The following PTPRG variants were observed in gnomAD, a reference collection of about 807,000 sequenced individuals.
PTPRG encodes receptor-type tyrosine-protein phosphatase gamma.
PTPRG carries 102 observed loss-of-function variants against 165.3 expected under a neutral mutation model. That is an observed-to-expected ratio of 0.62 (90% confidence interval 0.53 to 0.73). The LOEUF is 0.73. Among genes scored for constraint, PTPRG ranks in the 30% least tolerant of loss-of-function variants. PTPRG has a pLI of 0.00. For missense variants in PTPRG, 1,866 were observed against 1,861.4 expected (o/e 1.00, Z -0.05); for synonymous variants, 675 against 669.5 (o/e 1.01, Z -0.13).
chr3:62,096,348 A>T (rs1379001509), intron 5 of PTPRG, among the ~76,000 whole-genome samples: 2 of 152,052 alleles, frequency 1.3e-5, no homozygotes, highest in Non-Finnish European at 2.9e-5. Flanking sequence ...GTTTATAGAA[A>T]CACTGTTATT....
At chr3:61,983,787 G>A (rs1035644270) in intron 2 of PTPRG, among the ~76,000 whole-genome samples, 1 of 152,054 alleles carries the variant, frequency 6.6e-6, no homozygotes, top group African/African-American at 2.4e-5. Context: ...TGCTTAAATT[G>A]TAGAAAATTC....
At chr3:62,167,747 G>T (rs1260635650) in intron 7 of PTPRG, among the ~76,000 whole-genome samples, 3 of 152,126 alleles carry the variant, frequency 2.0e-5, no homozygotes, top group Admixed American at 2.0e-4. Flanking sequence ...GTGTTTTGCT[G>T]GTTAGTTGGC....
At chr3:61,663,829 T>C (rs1181613959) in intron 1 of PTPRG, among the ~76,000 whole-genome samples, 1 of 152,090 alleles carries the variant, frequency 6.6e-6, no homozygotes, top group Non-Finnish European at 1.5e-5. Context: ...TTTGCTCCTA[T>C]GAGAATCTAA....
intron 1 of PTPRG, among the ~76,000 whole-genome samples, chr3:61,609,035 A>T (rs1333950329): frequency 6.6e-6 from 1 of 152,166 alleles, no homozygotes; most frequent in Non-Finnish European, 1.5e-5. Flanking sequence ...CCTGAACATG[A>T]TACGGAAGCC....
intron 2 of PTPRG, 90 bp downstream of exon 2, chr3:61,749,072 C>T (rs1172179655): frequency 1.9e-6 from 2 of 1,038,712 alleles, no homozygotes; most frequent in East Asian, 5.0e-5. Context: ...ACTTTTATGC[C>T]TGAGTTCTGT....
intron 1 of PTPRG, among the ~76,000 whole-genome samples, chr3:61,690,395 G>T (rs555123940): frequency 6.6e-6 from 1 of 152,186 alleles, no homozygotes; most frequent in Non-Finnish European, 1.5e-5. Flanking sequence ...AATGGCAATT[G>T]CTTGATGCTT....
intron 10 of PTPRG, among the ~76,000 whole-genome samples, chr3:62,199,344 C>T (rs566162247): frequency 6.6e-6 from 1 of 152,260 alleles, no homozygotes; most frequent in Non-Finnish European, 1.5e-5. Flanking sequence ...AGGTTGCAAA[C>T]TCTGGCATCC....
chr3:61,954,946 T>C (rs1011253806), intron 2 of PTPRG, among the ~76,000 whole-genome samples: 1 of 152,240 alleles, frequency 6.6e-6, no homozygotes, highest in African/African-American at 2.4e-5. Flanking sequence ...CTGAGCAAGA[T>C]GGGAAACTTT....
chr3:62,036,422 A>G (rs1355139099), intron 4 of PTPRG, among the ~76,000 whole-genome samples: 1 of 152,130 alleles, frequency 6.6e-6, no homozygotes, highest in East Asian at 1.9e-4. Context: ...AAGTCCTGGC[A>G]TTATTTGGGA....
intron 3 of PTPRG, among the ~76,000 whole-genome samples, chr3:62,001,380 A>G (rs1027853522): frequency 3.9e-5 from 6 of 152,224 alleles, no homozygotes; most frequent in Non-Finnish European, 8.8e-5. Flanking sequence ...AAATATTTAT[A>G]AGATGCTGCT....
At chr3:62,262,398 ATTTT>A in intron 16 of PTPRG, 1 of 154,184 alleles carries the variant, frequency 6.5e-6, no homozygotes, top group African/African-American at 2.4e-5. Context: ...ACTTAGGTAA[ATTTT>A]TTCACCTGTC....
At chr3:61,693,624 A>G (rs1166790326) in intron 1 of PTPRG, among the ~76,000 whole-genome samples, 2 of 152,104 alleles carry the variant, frequency 1.3e-5, no homozygotes, top group Non-Finnish European at 2.9e-5. Context: ...AAGGTGCACA[A>G]GGTGTGTGTG....
intron 2 of PTPRG, among the ~76,000 whole-genome samples, chr3:61,805,945 C>G (rs2035401278): frequency 6.6e-6 from 1 of 152,054 alleles, no homozygotes; most frequent in African/African-American, 2.4e-5. Context: ...GCTGTGTTTT[C>G]TATTAAGCTC....
intron 5 of PTPRG, among the ~76,000 whole-genome samples, chr3:62,107,782 G>A (rs1041207841): frequency 1.3e-5 from 2 of 152,154 alleles, no homozygotes; most frequent in Non-Finnish European, 2.9e-5. Flanking sequence ...TGTTTATTGA[G>A]CACCTATTTG....
rs149936951 is a variant in PTPRG at position 62,074,136 on chromosome 3, A to G, written c.520-4027A>G. ...TGAGTATTTAGTGGTAAAGGGGCCT[A>G]TTATCTCCCATTTGCTCCCAGATGA... is the stretch of plus-strand genomic sequence containing the variant. On this transcript the variant is annotated intron_variant, in intron 4 of 29. Transcript: ENST00000474889. 1.6e-3 allele frequency among the ~76,000 whole-genome samples: 247 copies of G among 151,398 alleles called. 6 individuals carry two copies. The highest frequency in any genetic ancestry group is 0.015 in the South Asian group (72 of 4,786).
At chr3:61,577,853 G>T (rs1055779231) in intron 1 of PTPRG, among the ~76,000 whole-genome samples, 5 of 152,210 alleles carry the variant, frequency 3.3e-5, no homozygotes, top group Admixed American at 1.3e-4. Context: ...GATGGAGAAG[G>T]TTGTCTCCTA....
intron 1 of PTPRG, among the ~76,000 whole-genome samples, chr3:61,649,140 C>G (rs1702281121): frequency 6.7e-6 from 1 of 149,458 alleles, no homozygotes; most frequent in Non-Finnish European, 1.5e-5. Context: ...TCCCTTTTCC[C>G]TTTTCACTTC....
At position 61,762,650 on chromosome 3, in the gene PTPRG, T is replaced by A. The variant is rs144658378; in HGVS notation, c.190+13668T>A. The stretch of plus-strand genomic sequence containing the variant: ...AGTACACCATAGCTAGCAATATTAC[T>A]AGGATTTTTCTCCTAAATTCCCACG... On this transcript the variant is annotated intron_variant, in intron 2 of 29. Coordinates refer to ENST00000474889, the MANE Select transcript of PTPRG (RefSeq NM_002841.4). 2.0e-3 allele frequency among the ~76,000 whole-genome samples: 312 copies of A among 152,214 alleles called. 2 individuals carry two copies. Among genetic ancestry groups the A allele is most frequent in the African/African-American group, 7.2e-3 (301 of 41,534 alleles).
chr3:61,603,313 G>A (rs1700916235), intron 1 of PTPRG, among the ~76,000 whole-genome samples: 2 of 152,158 alleles, frequency 1.3e-5, no homozygotes, highest in African/African-American at 4.8e-5. Context: ...CGGAGCCTTT[G>A]TGGTTTGGTG....
Sources: gnomAD v4.1 joint callset for allele counts (sites outside exome capture counted in the v4.1 genomes callset) on GRCh38, gnomAD v4.1.1 for gene constraint, MANE v1.5 for transcripts, NCBI Gene and HGNC (gene_info 2026-07-23, HGNC 2026-07-21) for gene names.